The following TRHDE variants were observed in gnomAD, a reference collection of about 807,000 sequenced individuals.
TRHDE encodes the protein thyrotropin-releasing hormone-degrading ectoenzyme.
TRHDE carries 72 observed loss-of-function variants against 125.7 expected under a neutral mutation model. That is an observed-to-expected ratio of 0.57 (90% CI 0.47 to 0.70). The LOEUF is 0.70. TRHDE is among the 30% of genes least tolerant of loss of function. TRHDE has a pLI of 0.00. For missense variants in TRHDE, 1,110 were observed against 1,327.1 expected, an observed-to-expected ratio of 0.84 and a Z score of 2.54; for synonymous variants, 509 against 509.1, an observed-to-expected ratio of 1.00 and a Z score of 0.00.
chr12:72,375,896 T>A (rs1435608458), intron 2 of TRHDE, among the ~76,000 whole-genome samples: 1 of 152,234 alleles, frequency 6.6e-6, no homozygotes, highest in Admixed American at 6.5e-5. Flanking sequence ...ATGAAGACTG[T>A]CTCTTGTGGA....
At chr12:72,603,588 G>A (rs555396897) in intron 12 of TRHDE, among the ~76,000 whole-genome samples, 5 of 152,182 alleles carry the variant, frequency 3.3e-5, no homozygotes, top group East Asian at 1.9e-4. Flanking sequence ...AGCCGGGCGT[G>A]GTGGCAGGCG....
At chr12:72,165,322 A>G (rs1362051022) in intron 2 of TRHDE, among the ~76,000 whole-genome samples, 1 of 152,220 alleles carries the variant, frequency 6.6e-6, no homozygotes, top group Admixed American at 6.5e-5. Context: ...ACAAGCACAT[A>G]CCATAAATCT....
At chr12:72,121,167 G>T (rs1176352583) in intron 2 of TRHDE, among the ~76,000 whole-genome samples, 2 of 152,114 alleles carry the variant, frequency 1.3e-5, no homozygotes, top group African/African-American at 4.8e-5. Context: ...AGTGAGTTTT[G>T]TACCTTCAGA....
At chr12:72,551,886 A>G (rs1472635060) in intron 7 of TRHDE, among the ~76,000 whole-genome samples, 2 of 152,094 alleles carry the variant, frequency 1.3e-5, no homozygotes, top group African/African-American at 4.8e-5. Context: ...ATCCTTCTTG[A>G]GAAGACGGTA....
intron 2 of TRHDE, among the ~76,000 whole-genome samples, chr12:72,300,751 C>A (rs1489465630): frequency 4.0e-5 from 6 of 151,732 alleles, no homozygotes. Flanking sequence ...CAGCTCCTTG[C>A]AGTTGTAGTC....
chr12:72,587,768 A>G (rs975399046), intron 12 of TRHDE, among the ~76,000 whole-genome samples: 2 of 152,304 alleles, frequency 1.3e-5, no homozygotes, highest in Admixed American at 1.3e-4. Context: ...AACATAAGTT[A>G]CAAGTGTTTG....
intron 6 of TRHDE, among the ~76,000 whole-genome samples, chr12:72,518,953 T>A (rs1244444788): frequency 6.6e-6 from 1 of 152,174 alleles, no homozygotes. Context: ...TTCTTTTCTT[T>A]AAGAATGTTG....
chr12:72,407,825 A>T (rs924874912), intron 3 of TRHDE, among the ~76,000 whole-genome samples: 2 of 152,222 alleles, frequency 1.3e-5, no homozygotes, highest in Non-Finnish European at 1.5e-5. Context: ...AACCCCAAGG[A>T]ATGAGAAGTA....
chr12:72,541,138 C>A (rs191073500), intron 6 of TRHDE, among the ~76,000 whole-genome samples: 3 of 151,622 alleles, frequency 2.0e-5, no homozygotes, highest in Non-Finnish European at 4.4e-5. Context: ...AGACATCTTG[C>A]AAGAAATGAA....
chr12:72,280,135 G>T (rs901158160), intron 1 of TRHDE, among the ~76,000 whole-genome samples: 9 of 152,080 alleles, frequency 5.9e-5, no homozygotes, highest in Non-Finnish European at 8.8e-5. Flanking sequence ...AGACTGCTTG[G>T]CCTCATATCC....
Position 72,653,335 on chromosome 12 carries a change from A to G in TRHDE, c.2984+179A>G, listed in dbSNP as rs564251881. On this transcript the variant is annotated intron_variant, in intron 17 of 18. Transcript: ENST00000261180. ...AATTATTTTTAAAATTCTATAATTCATTTATTAAAATTGATAAACTTAATT... is the reference window on the plus strand; with the variant it reads ...AATTATTTTTAAAATTCTATAATTCGTTTATTAAAATTGATAAACTTAATT... 2.6e-5 allele frequency among the ~76,000 whole-genome samples: 4 copies of G among 152,270 alleles called. No homozygotes were observed. The East Asian group carries it at 7.7e-4, about 29-fold the overall frequency.
intron 3 of TRHDE, among the ~76,000 whole-genome samples, chr12:72,397,254 A>C (rs1189395143): frequency 1.3e-5 from 2 of 152,148 alleles, no homozygotes; most frequent in Non-Finnish European, 2.9e-5. Flanking sequence ...TTTGCCTTAA[A>C]AATAATCTCA....
At chr12:72,410,223 T>A (rs1016530473) in intron 3 of TRHDE, among the ~76,000 whole-genome samples, 2 of 151,862 alleles carry the variant, frequency 1.3e-5, no homozygotes, top group Non-Finnish European at 2.9e-5. Context: ...ATATATATAT[T>A]AATAGTATTT....
intron 12 of TRHDE, among the ~76,000 whole-genome samples, chr12:72,597,758 T>TATATATATATATATATAC (rs1565804834): frequency 4.9e-5 from 1 of 20,298 alleles, no homozygotes; most frequent in Admixed American, 7.8e-4. Flanking sequence ...TATATATATA[T>TATATATATATATATATAC]GCATACACAC....
At chr12:72,512,541 T>TG (rs1459874161) in intron 6 of TRHDE, among the ~76,000 whole-genome samples, 1 of 138,084 alleles carries the variant, frequency 7.2e-6, no homozygotes. Context: ...TGATTATATA[T>TG]ATTCATATAT....
rs1343099844 is a variant in TRHDE, at chr12:72,293,996, A to G, written c.1188+7042A>G. On this transcript the variant is annotated intron_variant, in intron 2 of 18. Transcript: ENST00000261180. ...CTCCAGATGCTGTCATGGGCACTGG[A>G]CCAGGTGCACCACAAGCGGCTTTCA... Among the ~76,000 whole-genome samples, 4 of 152,126 alleles carry G rather than the reference A, an allele frequency of 2.6e-5. No homozygotes were observed. In the East Asian group the frequency reaches 7.7e-4, roughly 29 times the overall value.
At chr12:72,223,436 T>A (rs1427459470) in intron 2 of TRHDE, among the ~76,000 whole-genome samples, 1 of 152,090 alleles carries the variant, frequency 6.6e-6, no homozygotes, top group African/African-American at 2.4e-5. Flanking sequence ...CCAAATAAAG[T>A]AGGCAGGGAA....
At chr12:72,309,495 G>C (rs1383877858) in intron 2 of TRHDE, among the ~76,000 whole-genome samples, 2 of 152,074 alleles carry the variant, frequency 1.3e-5, no homozygotes. Context: ...GGAATAACTG[G>C]AAAGGAGGAA....
At chr12:72,535,728 A>G (rs1053695600) in intron 6 of TRHDE, among the ~76,000 whole-genome samples, 5 of 151,978 alleles carry the variant, frequency 3.3e-5, no homozygotes, top group African/African-American at 7.2e-5. Flanking sequence ...TCAAAAAACC[A>G]TGGAGGATTT....
Sources: gnomAD v4.1 joint callset for allele counts (sites outside exome capture counted in the v4.1 genomes callset) on GRCh38, gnomAD v4.1.1 for gene constraint, MANE v1.5 for transcripts, NCBI Gene and HGNC (gene_info 2026-07-23, HGNC 2026-07-21) for gene names.